The following ITIH5 variants were observed in gnomAD, a reference collection of about 807,000 sequenced individuals.
The protein encoded by ITIH5 is inter-alpha-trypsin inhibitor heavy chain 5.
Under a neutral mutation model 77.5 loss-of-function variants are expected in ITIH5, and 65 were observed. That is an observed-to-expected ratio of 0.84 (90% CI 0.69 to 1.03). The LOEUF (loss-of-function observed/expected upper bound fraction) is 1.03, where lower values mean the gene tolerates loss of function less well. Ranked by LOEUF, ITIH5 falls within the 50% of genes least tolerant of loss-of-function variation. The pLI is 0.00. For missense variants in ITIH5, 1,208 were observed against 1,213.1 expected (o/e 1.00, Z 0.06); for synonymous variants, 525 against 494.3 (o/e 1.06, Z -0.82).
At chr10:7,639,788 A>G (rs1221533604) in intron 4 of ITIH5, among the ~76,000 whole-genome samples, 1 of 152,218 alleles carries the variant, frequency 6.6e-6, no homozygotes, top group African/African-American at 2.4e-5. Flanking sequence ...TTTAGATTCC[A>G]TTTATAAACA....
rs748106461 is a variant in ITIH5 at position 7,586,040 on chromosome 10, A to G, written c.969T>C (p.His323=). ...TGAAACGGTCCTGGGGTCGGAGGTC[A>G]TGGAGAATTGTGAAGAGGGCATCCT... is the stretch of plus-strand genomic sequence containing the variant. ...QTKDALFTIL[H]DLRPQDRFSI... is the part of the protein sequence containing the mutation. The change falls in exon 8 of 14, where the codon CAT becomes CAC. Residue 323 remains histidine, a synonymous_variant. Coordinates refer to ENST00000397146, the MANE Select transcript of ITIH5 (RefSeq NM_030569.7). 8 of 1,613,680 alleles carry G rather than the reference A, an allele frequency of 5.0e-6. No individual in the cohort carries two copies. The highest frequency in any genetic ancestry group is 2.7e-5 in the African/African-American group (2 of 74,852).
rs775459630 is a variant in ITIH5 at position 7,637,388 on chromosome 10, C to T, written c.492G>A (p.Gln164=). 6.2e-7 allele frequency: 1 copy of T among 1,614,250 alleles called. No individual in the cohort carries two copies. Among genetic ancestry groups the T allele is most frequent in the Non-Finnish European group, 8.5e-7 (1 of 1,180,044 alleles). ...TGTGCTCGTACTTGCCCAGGCGCCT[C>T]TGCAGAAGCTCCTCATAACTCAGGA... ...AFFLSYEELL[Q]RRLGKYEHSI... The change falls in exon 5 of 14, where the codon CAG becomes CAA. Residue 164 remains glutamine, a synonymous_variant. Transcript: ENST00000397146.
At chr10:7,627,739 T>A (rs1833607385) in intron 5 of ITIH5, among the ~76,000 whole-genome samples, 3 of 151,086 alleles carry the variant, frequency 2.0e-5, no homozygotes, top group Admixed American at 2.0e-4. Flanking sequence ...CCAGGGCATG[T>A]GGAGGAAGGG....
rs903653130 is a variant in ITIH5, at chr10:7,566,345, G to A, written c.2212C>T (p.Arg738Cys). The change falls in exon 13 of 14, where the codon CGC becomes TGC. Residue 738 changes from arginine to cysteine, a missense_variant. Physicochemically the swap from Arg to Cys is radical, Grantham distance 180. Transcript: ENST00000397146. The stretch of plus-strand genomic sequence containing the variant: ...ATGGTGATAGTGCGCAAGTAAGTGC[G>A]CTGTTTCTTGTGGCCATTTGGAGGG... ...PAPPNGHKKQ[R>C]TYLRTITILI... 9.9e-6 allele frequency: 16 copies of A among 1,608,778 alleles called. No individual in the cohort carries two copies. Among genetic ancestry groups the A allele is most frequent in the African/African-American group, 2.7e-5 (2 of 74,806 alleles).
Position 7,579,706 on chromosome 10 carries a change from C to T in ITIH5, c.1418+49G>A, listed in dbSNP as rs141006191. ...TCTCTGAATTCCCACCGCAGCCACC[C>T]CTCAGCCCCTCAAACAGCCTCTCAT... On this transcript the variant is annotated intron_variant, in intron 9 of 13. Transcript: ENST00000397146. 1.6e-3 allele frequency: 2,545 copies of T among 1,578,304 alleles called. 21 individuals carry two copies. The highest frequency in any genetic ancestry group is 0.014 in the African/African-American group (1,075 of 74,564).
chr10:7,565,641 A>C (rs1832135257), intron 13 of ITIH5, among the ~76,000 whole-genome samples: 1 of 148,760 alleles, frequency 6.7e-6, no homozygotes. Flanking sequence ...ATATGTATAG[A>C]CTGTATATAT....
At chr10:7,585,276 G>A (rs1832649019) in intron 8 of ITIH5, among the ~76,000 whole-genome samples, 2 of 152,156 alleles carry the variant, frequency 1.3e-5, no homozygotes, top group African/African-American at 4.8e-5. Context: ...TAGGACAGCT[G>A]GTAACACACT....
At chr10:7,568,573 GTGT>G (rs1274219633) in intron 12 of ITIH5, among the ~76,000 whole-genome samples, 7 of 142,216 alleles carry the variant, frequency 4.9e-5, no homozygotes, top group Non-Finnish European at 7.4e-5. Context: ...AAGAAAACAT[GTGT>G]TGAAGGAACC....
intron 10 of ITIH5, among the ~76,000 whole-genome samples, chr10:7,576,208 G>C (rs11255197): frequency 6.6e-6 from 1 of 151,440 alleles, no homozygotes; most frequent in Non-Finnish European, 1.5e-5. Flanking sequence ...TTTTTCTTTT[G>C]TAGAGACAGG....
At chr10:7,652,902 A>C (rs1004684006) in intron 2 of ITIH5, among the ~76,000 whole-genome samples, 1 of 152,248 alleles carries the variant, frequency 6.6e-6, no homozygotes, top group Non-Finnish European at 1.5e-5. Context: ...CCTGGAAAAA[A>C]AAAAGCAATT....
rs141456708 is a variant in ITIH5, at chr10:7,579,990, C to T, written c.1183G>A (p.Asp395Asn). 2 of 1,614,002 alleles carry T rather than the reference C, an allele frequency of 1.2e-6. No individual in the cohort carries two copies. Among genetic ancestry groups the T allele is most frequent in the Admixed American group, 3.3e-5 (2 of 59,994 alleles). Reference protein sequence around the residue: ...NKYVAHSGIGDRSVSLIVFLT... With the variant: ...NKYVAHSGIGNRSVSLIVFLT... The stretch of plus-strand genomic sequence containing the variant: ...AAGACGATGAGGGACACGCTCCGGT[C>T]TCCAATGCCACTGTGGGCCACGTAC... Residue 395 changes from aspartate (D) to asparagine (N), a missense_variant, in exon 9 of 14, where the codon GAC becomes AAC. By Grantham distance (23) the Asp-to-Asn change is conservative (BLOSUM62 1). Coordinates refer to ENST00000397146, the MANE Select transcript of ITIH5 (RefSeq NM_030569.7).
At chr10:7,643,806 C>A (rs1396177889) in intron 2 of ITIH5, among the ~76,000 whole-genome samples, 1 of 152,176 alleles carries the variant, frequency 6.6e-6, no homozygotes, top group Non-Finnish European at 1.5e-5. Context: ...ACAAACCTTG[C>A]TTCAAAAAAG....
At chr10:7,649,859 T>C (rs1027244293) in intron 2 of ITIH5, among the ~76,000 whole-genome samples, 7 of 152,170 alleles carry the variant, frequency 4.6e-5, no homozygotes. Flanking sequence ...AAATGTGTCA[T>C]GAAAGGAAGG....
At chr10:7,664,352 A>C (rs1834326373) in intron 1 of ITIH5, among the ~76,000 whole-genome samples, 2 of 150,008 alleles carry the variant, frequency 1.3e-5, no homozygotes, top group African/African-American at 4.9e-5. Flanking sequence ...GAGAGCAGAG[A>C]GCCTGCCACT....
At chr10:7,619,636 G>A (rs183963576) in intron 5 of ITIH5, 3 of 369,602 alleles carry the variant, frequency 8.1e-6, no homozygotes, top group Non-Finnish European at 1.1e-5. Context: ...GAAGGCAAAC[G>A]CAAAGCGAAC....
At chr10:7,646,269 A>T (rs1441111596) in intron 2 of ITIH5, among the ~76,000 whole-genome samples, 4 of 152,210 alleles carry the variant, frequency 2.6e-5, no homozygotes, top group Non-Finnish European at 5.9e-5. Flanking sequence ...TTAAAATTTA[A>T]ACTGGTGTTT....
At chr10:7,603,968 G>T (rs1400794811) in intron 7 of ITIH5, among the ~76,000 whole-genome samples, 1 of 152,122 alleles carries the variant, frequency 6.6e-6, no homozygotes, top group Non-Finnish European at 1.5e-5. Context: ...CTGTTGTGTC[G>T]TGAGCGTCTT....
At chr10:7,572,134 A>T (rs1029260104) in intron 11 of ITIH5, 1 of 1,102,120 alleles carries the variant, frequency 9.1e-7, no homozygotes, top group African/African-American at 1.6e-5. Context: ...TGTTGGAAGG[A>T]ATTACATTCT....
chr10:7,637,708 T>G (rs1833825432), intron 4 of ITIH5, among the ~76,000 whole-genome samples: 1 of 152,038 alleles, frequency 6.6e-6, no homozygotes, highest in Non-Finnish European at 1.5e-5. Context: ...CAGGAGAGGA[T>G]TCTAAGAATA....
Sources: gnomAD v4.1 joint callset for allele counts (sites outside exome capture counted in the v4.1 genomes callset) on GRCh38, gnomAD v4.1.1 for gene constraint, MANE v1.5 for transcripts, NCBI Gene and HGNC (gene_info 2026-07-23, HGNC 2026-07-21) for gene names.